ATP10D: variants seen among roughly 807,000 people sequenced by gnomAD.
ATP10D encodes the protein ATPase phospholipid transporting 10D (putative), also known as phospholipid-transporting ATPase VD.
ATP10D carries 89 observed loss-of-function variants against 144.8 expected under a neutral mutation model. That is an observed-to-expected ratio of 0.61 (90% CI 0.52 to 0.73). ATP10D has a LOEUF of 0.73. Ranked by LOEUF, ATP10D falls within the 30% of genes least tolerant of loss-of-function variation. ATP10D has a pLI of 0.00. For missense variants in ATP10D, 1,603 were observed against 1,714.8 expected (o/e 0.93, Z 1.15); for synonymous variants, 571 against 615.1 (o/e 0.93, Z 1.06).
chr4:47,488,627 A>G (rs1714901740), intron 1 of ATP10D, among the ~76,000 whole-genome samples: 1 of 151,588 alleles, frequency 6.6e-6, no homozygotes, highest in South Asian at 2.1e-4. Context: ...AAAAAAAAAA[A>G]AAAAAAAGAT....
At chr4:47,590,422 C>A (rs765855407) in intron 22 of ATP10D, among the ~76,000 whole-genome samples, 1 of 152,122 alleles carries the variant, frequency 6.6e-6, no homozygotes, top group Non-Finnish European at 1.5e-5. Flanking sequence ...AACCTTTCTG[C>A]TAGTGCTGAA....
At chr4:47,507,002 CAGTT>C (rs1201314324) in intron 1 of ATP10D, among the ~76,000 whole-genome samples, 2 of 152,280 alleles carry the variant, frequency 1.3e-5, no homozygotes, top group African/African-American at 4.8e-5. Context: ...TTGCTATCCT[CAGTT>C]AGTTAGTTGC....
intron 1 of ATP10D, among the ~76,000 whole-genome samples, chr4:47,503,007 G>C (rs948068013): frequency 6.6e-5 from 10 of 152,012 alleles, no homozygotes; most frequent in Admixed American, 1.3e-4. Flanking sequence ...TTTGAGACCA[G>C]CCTGGCCATC....
intron 17 of ATP10D, among the ~76,000 whole-genome samples, 189 bp from the exon 18 acceptor site, chr4:47,572,683 G>T (rs1221036459): frequency 6.6e-6 from 1 of 150,592 alleles, no homozygotes; most frequent in African/African-American, 2.4e-5. Flanking sequence ...GTGTGTGTTG[G>T]ATGGTATTTT....
intron 1 of ATP10D, chr4:47,491,442 T>C: frequency 1.4e-6 from 1 of 710,020 alleles, no homozygotes; most frequent in African/African-American, 1.7e-5. Context: ...GCCGCTCCTC[T>C]TTCCCTTTGT....
chr4:47,535,620 G>A lies in ATP10D; in HGVS notation c.883+5G>A, dbSNP rs569447058. Reference sequence around the variant, plus strand: ...TGGGCATTGTGGTTTATGCAGGTCGGTTATGTTTCTAATTTTCATTGTCTA... The same window carrying A: ...TGGGCATTGTGGTTTATGCAGGTCGATTATGTTTCTAATTTTCATTGTCTA... On this transcript the variant is annotated splice_donor_5th_base_variant and intron_variant, in intron 6 of 22. Transcript: ENST00000273859. 1 of 1,602,430 alleles carries A rather than the reference G, an allele frequency of 6.2e-7. No homozygotes were observed. The highest frequency in any genetic ancestry group is 1.3e-5 in the African/African-American group (1 of 74,286).
chr4:47,563,774 A>G lies in ATP10D; in HGVS notation c.2853+9A>G, dbSNP rs1719447099. 4.5e-6 allele frequency: 7 copies of G among 1,572,458 alleles called. No homozygotes were observed. The highest frequency in any genetic ancestry group is 1.9e-5 in the Admixed American group (1 of 53,874). On this transcript the variant is annotated intron_variant, in intron 15 of 22. Transcript: ENST00000273859. ...TCAATACCCAAAGTAAAGTGCGTAT[A>G]TTGAGATTAAATCTGTTCTTCTGTA...
At chr4:47,583,130 A>T (rs1720607610) in intron 21 of ATP10D, 1 of 152,270 alleles carries the variant, frequency 6.6e-6, no homozygotes, top group Non-Finnish European at 1.5e-5. Flanking sequence ...AAACAGAGAG[A>T]AACCTTGTCT....
At chr4:47,539,032 A>G (rs1717995543) in intron 9 of ATP10D, among the ~76,000 whole-genome samples, 1 of 152,168 alleles carries the variant, frequency 6.6e-6, no homozygotes, top group South Asian at 2.1e-4. Flanking sequence ...CATAGTCACA[A>G]GGTGCATCTA....
At chr4:47,571,873 A>G (rs897551090) in intron 16 of ATP10D, among the ~76,000 whole-genome samples, 9 of 152,182 alleles carry the variant, frequency 5.9e-5, no homozygotes, top group Non-Finnish European at 8.8e-5. Context: ...AGAAGGGTGT[A>G]TCTGGAGAGT....
At chr4:47,543,582 A>C (rs1718268063) in intron 9 of ATP10D, among the ~76,000 whole-genome samples, 1 of 152,208 alleles carries the variant, frequency 6.6e-6, no homozygotes, top group Non-Finnish European at 1.5e-5. Context: ...CCCCATGTGG[A>C]GAACCACTGA....
chr4:47,555,009 T>C (rs1718908462), intron 11 of ATP10D, 95 bp downstream of exon 11: 2 of 1,044,736 alleles, frequency 1.9e-6, no homozygotes, highest in Admixed American at 4.2e-5. Context: ...TGGATAAAAA[T>C]GATAAATAAT....
At chr4:47,562,798 G>T (rs1396645116) in intron 14 of ATP10D, among the ~76,000 whole-genome samples, 1 of 151,794 alleles carries the variant, frequency 6.6e-6, no homozygotes, top group Admixed American at 6.6e-5. Context: ...ATTTCTAAGT[G>T]TCCACCAACA....
chr4:47,584,381 T>A (rs1207860953), intron 21 of ATP10D, among the ~76,000 whole-genome samples: 1 of 151,986 alleles, frequency 6.6e-6, no homozygotes, highest in Non-Finnish European at 1.5e-5. Context: ...TTGTTGTTTT[T>A]TGTTTGTTTT....
At chr4:47,504,394 TTG>T (rs1715902008) in intron 1 of ATP10D, among the ~76,000 whole-genome samples, 1 of 152,184 alleles carries the variant, frequency 6.6e-6, no homozygotes, top group Non-Finnish European at 1.5e-5. Flanking sequence ...CTTGATGCTT[TTG>T]TCATGACCTA....
At chr4:47,517,049 C>T (rs1716727593) in intron 3 of ATP10D, among the ~76,000 whole-genome samples, 1 of 152,180 alleles carries the variant, frequency 6.6e-6, no homozygotes, top group South Asian at 2.1e-4. Flanking sequence ...TAAGATTACC[C>T]AGTGAATGTC....
intron 1 of ATP10D, among the ~76,000 whole-genome samples, chr4:47,497,923 A>G (rs1293705778): frequency 2.0e-5 from 3 of 152,214 alleles, no homozygotes; most frequent in Non-Finnish European, 4.4e-5. Context: ...GCTGTTAAGC[A>G]TCTTTAAAAT....
intron 2 of ATP10D, among the ~76,000 whole-genome samples, chr4:47,513,968 G>A (rs1716498229): frequency 6.6e-6 from 1 of 152,302 alleles, no homozygotes; most frequent in East Asian, 1.9e-4. Flanking sequence ...TACAGATACT[G>A]TGGATTTAGT....
At chr4:47,581,273 C>T (rs1259714185) in intron 20 of ATP10D, among the ~76,000 whole-genome samples, 3 of 152,110 alleles carry the variant, frequency 2.0e-5, no homozygotes, top group African/African-American at 4.8e-5. Context: ...TAGGCTAACA[C>T]GATACACAAA....
Sources: gnomAD v4.1 joint callset for allele counts (sites outside exome capture counted in the v4.1 genomes callset) on GRCh38, gnomAD v4.1.1 for gene constraint, MANE v1.5 for transcripts, NCBI Gene and HGNC (gene_info 2026-07-23, HGNC 2026-07-21) for gene names.